PCNX1: variants seen among roughly 807,000 people sequenced by gnomAD.
The protein encoded by PCNX1 is pecanex-like protein 1.
In PCNX1, 78 loss-of-function variants were observed where a neutral mutation model predicts 242.2. The ratio of observed to expected loss-of-function variants is 0.32; its 90% CI spans 0.27 to 0.39. PCNX1 has a LOEUF of 0.39. Ranked by LOEUF, PCNX1 falls within the 10% of genes least tolerant of loss-of-function variation. The pLI is 1.00. For missense variants in PCNX1, 2,581 were observed against 2,856.5 expected (o/e 0.90, Z 2.20); for synonymous variants, 1,024 against 1,032.9 (o/e 0.99, Z 0.17).
At chr14:70,946,271 T>C (rs1285712300) in intron 1 of PCNX1, among the ~76,000 whole-genome samples, 1 of 152,358 alleles carries the variant, frequency 6.6e-6, no homozygotes, top group East Asian at 1.9e-4. Context: ...GGTTTTACAG[T>C]CACAGTTCTA....
chr14:70,931,875 G>C (rs1314785478), intron 1 of PCNX1, among the ~76,000 whole-genome samples: 1 of 152,228 alleles, frequency 6.6e-6, no homozygotes, highest in Non-Finnish European at 1.5e-5. Context: ...TGTAATCCCA[G>C]CACTTTGGGA....
intron 19 of PCNX1, among the ~76,000 whole-genome samples, chr14:71,042,593 TA>T: frequency 6.6e-6 from 1 of 152,120 alleles, no homozygotes; most frequent in South Asian, 2.1e-4. Flanking sequence ...AGGCAGCATA[TA>T]ATTGGCTGTT....
intron 27 of PCNX1, 118 bp from the exon 28 acceptor site, chr14:71,076,070 TA>T (rs1461875493): frequency 7.8e-6 from 5 of 642,778 alleles, no homozygotes; most frequent in South Asian, 2.0e-5. Flanking sequence ...TTAGTCAGAC[TA>T]AAAAGTGTTT....
rs549897591 is a variant in PCNX1 at position 71,062,248 on chromosome 14, A to T, written c.4852+4524A>T. Among the ~76,000 whole-genome samples, 19 of 152,246 alleles carry T rather than the reference A, an allele frequency of 1.2e-4. No homozygotes were observed. In the South Asian group the frequency reaches 3.5e-3, roughly 28 times the overall value. Reference sequence around the variant, plus strand: ...TGTTGTCATAGGAGATGGCAGCTCCATGTGTGTCATTGCTTCTGAAGGCCT... The same window carrying T: ...TGTTGTCATAGGAGATGGCAGCTCCTTGTGTGTCATTGCTTCTGAAGGCCT... On this transcript the variant is annotated intron_variant, in intron 26 of 35. Coordinates refer to ENST00000304743, the MANE Select transcript of PCNX1 (RefSeq NM_014982.3).
At chr14:71,061,298 G>A (rs947765983) in intron 26 of PCNX1, among the ~76,000 whole-genome samples, 2 of 152,206 alleles carry the variant, frequency 1.3e-5, no homozygotes, top group African/African-American at 4.8e-5. Context: ...GGAGCAATCA[G>A]AAGTCTTGAA....
intron 7 of PCNX1, among the ~76,000 whole-genome samples, chr14:70,991,176 C>T (rs991977417): frequency 2.0e-5 from 3 of 150,934 alleles, no homozygotes; most frequent in Non-Finnish European, 2.9e-5. Context: ...AATACATTAC[C>T]ATTCAAATGA....
In PCNX1 at chr14:71,069,697, A is replaced by G. The variant is rs539686133; in HGVS notation, c.4853-3848A>G. Reference sequence around the variant, plus strand: ...AAGAAAGAATGTACTACATATCTTAATTTTAAAAATTTACTGCTAATAAAT... The same window carrying G: ...AAGAAAGAATGTACTACATATCTTAGTTTTAAAAATTTACTGCTAATAAAT... On this transcript the variant is annotated intron_variant, in intron 26 of 35. Transcript: ENST00000304743. Among the ~76,000 whole-genome samples, 4 of 152,354 alleles carry G rather than the reference A, an allele frequency of 2.6e-5. No individual in the cohort carries two copies. In the East Asian group the frequency reaches 5.8e-4, roughly 22 times the overall value.
chr14:71,086,567 A>G (rs1444718758), intron 28 of PCNX1, among the ~76,000 whole-genome samples: 2 of 152,242 alleles, frequency 1.3e-5, no homozygotes, highest in Non-Finnish European at 2.9e-5. Flanking sequence ...CATGACCAAG[A>G]CAATGCCATC....
chr14:71,034,881 A>G (rs1271551426), intron 18 of PCNX1, among the ~76,000 whole-genome samples: 1 of 152,228 alleles, frequency 6.6e-6, no homozygotes, highest in East Asian at 1.9e-4. Context: ...TCTGGCTTAT[A>G]AGCATAAATC....
At chr14:70,923,639 C>G (rs1310509744) in intron 1 of PCNX1, among the ~76,000 whole-genome samples, 1 of 152,178 alleles carries the variant, frequency 6.6e-6, no homozygotes, top group African/African-American at 2.4e-5. Context: ...TCTCCCCTAC[C>G]ATACTAGTGT....
At chr14:71,100,843 C>T (rs962113019) in intron 30 of PCNX1, among the ~76,000 whole-genome samples, 1 of 152,014 alleles carries the variant, frequency 6.6e-6, no homozygotes, top group East Asian at 1.9e-4. Flanking sequence ...TACCAGTCTT[C>T]GAGGTCCAAA....
At chr14:70,926,254 T>G (rs1054270478) in intron 1 of PCNX1, among the ~76,000 whole-genome samples, 1 of 152,170 alleles carries the variant, frequency 6.6e-6, no homozygotes, top group African/African-American at 2.4e-5. Context: ...TTCATTAAAC[T>G]TTTATGTGCT....
At chr14:71,056,949 C>T (rs2061199458) in intron 25 of PCNX1, among the ~76,000 whole-genome samples, 1 of 152,134 alleles carries the variant, frequency 6.6e-6, no homozygotes, top group Non-Finnish European at 1.5e-5. Context: ...GCTGAGATTC[C>T]AGGCATGAGC....
intron 1 of PCNX1, among the ~76,000 whole-genome samples, chr14:70,931,457 TC>T (rs1439349863): frequency 6.6e-6 from 1 of 152,198 alleles, no homozygotes; most frequent in African/African-American, 2.4e-5. Context: ...AGTTTTCATC[TC>T]CTGAAAGAGT....
chr14:71,038,674 G>T (rs1352748106), intron 19 of PCNX1, among the ~76,000 whole-genome samples: 1 of 151,574 alleles, frequency 6.6e-6, no homozygotes, highest in African/African-American at 2.4e-5. Context: ...CGATTCCTCA[G>T]GGATCTAGAA....
At chr14:71,086,570 A>G (rs886389060) in intron 28 of PCNX1, among the ~76,000 whole-genome samples, 1 of 152,224 alleles carries the variant, frequency 6.6e-6, no homozygotes, top group African/African-American at 2.4e-5. Flanking sequence ...GACCAAGACA[A>G]TGCCATCCTG....
At chr14:70,993,804 C>A (rs925929947) in intron 7 of PCNX1, among the ~76,000 whole-genome samples, 1 of 152,120 alleles carries the variant, frequency 6.6e-6, no homozygotes, top group East Asian at 1.9e-4. Context: ...ATTTTTTTCT[C>A]AGTATTTTCT....
intron 20 of PCNX1, 43 bp from the exon 21 acceptor site, chr14:71,046,921 T>A (rs960400720): frequency 2.0e-6 from 3 of 1,518,296 alleles, no homozygotes; most frequent in East Asian, 2.3e-5. Flanking sequence ...TGACAAACTA[T>A]ACATTTGATG....
chr14:71,049,404 A>G (rs2060957450), intron 22 of PCNX1, among the ~76,000 whole-genome samples: 1 of 152,124 alleles, frequency 6.6e-6, no homozygotes, highest in Non-Finnish European at 1.5e-5. Flanking sequence ...TTACATTAAG[A>G]TATCATTGTA....
Sources: allele counts gnomAD v4.1 joint callset (sites outside exome capture counted in the v4.1 genomes callset), GRCh38; gene constraint gnomAD v4.1.1; transcripts MANE v1.5; gene names NCBI Gene and HGNC (gene_info 2026-07-23, HGNC 2026-07-21).